Variants in PPP6R3 observed in about 807,000 individuals in gnomAD.
PPP6R3 encodes protein phosphatase 6 regulatory subunit 3.
In PPP6R3, 38 loss-of-function variants were observed where a neutral mutation model predicts 110.7. That is an observed-to-expected ratio of 0.34 (90% CI 0.26 to 0.45). The LOEUF is 0.45. PPP6R3 is among the 20% of genes least tolerant of loss of function. PPP6R3 has a pLI of 1.00. For missense variants in PPP6R3, 870 were observed against 1,062.4 expected (o/e 0.82, Z 2.52); for synonymous variants, 369 against 373.5 (o/e 0.99, Z 0.14).
intron 1 of PPP6R3, among the ~76,000 whole-genome samples, chr11:68,518,454 T>G (rs984837876): frequency 5.9e-5 from 9 of 152,162 alleles, no homozygotes; most frequent in Non-Finnish European, 1.3e-4. Flanking sequence ...GAAATAGGAC[T>G]TTAGATGTGA....
chr11:68,463,987 A>T (rs624970), intron 1 of PPP6R3, among the ~76,000 whole-genome samples: 12,925 of 152,244 alleles, frequency 0.085, 687 homozygotes, highest in Non-Finnish European at 0.12. Context: ...ATCCAGTCCC[A>T]AATAGCAACA....
chr11:68,517,860 C>T (rs1442776449), intron 1 of PPP6R3, among the ~76,000 whole-genome samples: 1 of 151,968 alleles, frequency 6.6e-6, no homozygotes, highest in Non-Finnish European at 1.5e-5. Context: ...ATCACTTGAG[C>T]CCAGGAGGTG....
chr11:68,489,502 A>T (rs2098969751), intron 1 of PPP6R3, among the ~76,000 whole-genome samples: 1 of 150,716 alleles, frequency 6.6e-6, no homozygotes, highest in Admixed American at 6.6e-5. Flanking sequence ...CAGGTATTAT[A>T]CCTCGTTTTA....
At chr11:68,610,898 G>T (rs2153976602) in intron 23 of PPP6R3, among the ~76,000 whole-genome samples, 1 of 128,606 alleles carries the variant, frequency 7.8e-6, no homozygotes, top group East Asian at 2.6e-4. Flanking sequence ...AGCATAACCA[G>T]TGGGAACCAG....
chr11:68,512,751 G>T (rs916722727), intron 1 of PPP6R3, among the ~76,000 whole-genome samples: 2 of 152,120 alleles, frequency 1.3e-5, no homozygotes, highest in Admixed American at 1.3e-4. Context: ...TTTCAGAGGA[G>T]ATGGAAAAAT....
At chr11:68,496,722 C>T (rs988681333) in intron 1 of PPP6R3, among the ~76,000 whole-genome samples, 2 of 152,068 alleles carry the variant, frequency 1.3e-5, no homozygotes, top group African/African-American at 2.4e-5. Context: ...TCACACACCT[C>T]GGCTTCCTAA....
intron 15 of PPP6R3, among the ~76,000 whole-genome samples, chr11:68,586,104 C>A (rs2099577646): frequency 6.6e-6 from 1 of 151,890 alleles, no homozygotes; most frequent in African/African-American, 2.4e-5. Context: ...GACCCTGTCT[C>A]TTAAAAAAAA....
rs966805414 is a variant in PPP6R3 at position 68,565,672 on chromosome 11, C to T, written c.975+1240C>T. ...TTCTGGGTGGACAAACAGGTGGCAT[C>T]TGGTTCTGGGCCCCGATTCAAAAGT... On this transcript the variant is annotated intron_variant, in intron 9 of 23. Transcript: ENST00000393800. 5.3e-5 allele frequency among the ~76,000 whole-genome samples: 8 copies of T among 151,952 alleles called. No individual in the cohort carries two copies. The South Asian group carries it at 1.0e-3, about 20-fold the overall frequency.
chr11:68,480,178 G>A (rs2098894942), intron 1 of PPP6R3, among the ~76,000 whole-genome samples: 2 of 152,080 alleles, frequency 1.3e-5, no homozygotes, highest in African/African-American at 4.8e-5. Context: ...CAGCTATACG[G>A]ACCATATATT....
At position 68,614,874 on chromosome 11, in the gene PPP6R3, T is replaced by A; in HGVS notation, c.*1757T>A. 1 of 912,134 alleles carries A rather than the reference T, an allele frequency of 1.1e-6. No individual in the cohort carries two copies. The highest frequency in any genetic ancestry group is 1.4e-5 in the South Asian group (1 of 71,128). The allele number at this position is 912,134 out of a possible 1,614,324, so 56.5% of individuals were successfully genotyped here. Reference sequence around the variant, plus strand: ...GGCGTTGGACCTCGGGGATTACTGGTAGATAATATGCTCTGGTCTCGCCTG... The same window carrying A: ...GGCGTTGGACCTCGGGGATTACTGGAAGATAATATGCTCTGGTCTCGCCTG... On this transcript the variant is annotated 3_prime_UTR_variant, in exon 24 of 24. Transcript: ENST00000393800.
intron 21 of PPP6R3, 95 bp downstream of exon 21, chr11:68,602,064 G>A: frequency 1.1e-6 from 1 of 950,780 alleles, no homozygotes; most frequent in South Asian, 1.6e-5. Flanking sequence ...TGGAGCCCGG[G>A]AGTGAGATGG....
chr11:68,462,303 C>T (rs530956481), intron 1 of PPP6R3, among the ~76,000 whole-genome samples: 5 of 152,098 alleles, frequency 3.3e-5, no homozygotes, highest in Non-Finnish European at 7.4e-5. Flanking sequence ...CTCAGTTGGG[C>T]TGAAAAAGTA....
At chr11:68,611,720 G>A (rs1282509099) in intron 23 of PPP6R3, among the ~76,000 whole-genome samples, 2 of 152,198 alleles carry the variant, frequency 1.3e-5, no homozygotes, top group Admixed American at 1.3e-4. Context: ...CATGTGAGCT[G>A]GGGTGCGGGG....
chr11:68,560,929 T>C (rs7115304), intron 8 of PPP6R3, among the ~76,000 whole-genome samples: 144,671 of 144,880 alleles, frequency 1, 72,232 homozygotes, highest in Middle Eastern at 1. Flanking sequence ...CAGAGTCTCG[T>C]TCTGTCACCC....
intron 1 of PPP6R3, among the ~76,000 whole-genome samples, chr11:68,512,628 G>T (rs2099116466): frequency 6.6e-6 from 1 of 152,168 alleles, no homozygotes; most frequent in Non-Finnish European, 1.5e-5. Flanking sequence ...ATGCGTGTGG[G>T]TGCCAGGTTG....
chr11:68,583,446 T>G (rs17149176), intron 15 of PPP6R3, among the ~76,000 whole-genome samples: 2,074 of 152,346 alleles, frequency 0.014, 57 homozygotes, highest in African/African-American at 0.047. Flanking sequence ...AGTTGAGTTG[T>G]TGCTTAAAGA....
intron 1 of PPP6R3, among the ~76,000 whole-genome samples, chr11:68,467,157 A>G (rs977805062): frequency 6.6e-6 from 1 of 152,268 alleles, no homozygotes; most frequent in African/African-American, 2.4e-5. Context: ...TAGATGCATT[A>G]GTGAAGACTA....
At position 68,537,787 on chromosome 11, in the gene PPP6R3, C is replaced by T. The variant is rs1200044095; in HGVS notation, c.123C>T (p.Asn41=). Residue 41 remains asparagine (N), a synonymous_variant, in exon 3 of 24, where the codon AAC becomes AAT. Transcript: ENST00000393800. ...TTTTACAGGAATGTAAAGCTCAGAACCGCAAACTTATAGAGTTTCTGTTAA... is the reference window on the plus strand; with the variant it reads ...TTTTACAGGAATGTAAAGCTCAGAATCGCAAACTTATAGAGTTTCTGTTAA... ...EDVLQECKAQ[N]RKLIEFLLKA... is the part of the protein sequence containing the mutation. 2 of 1,613,798 alleles carry T rather than the reference C, an allele frequency of 1.2e-6. No individual in the cohort carries two copies. Among genetic ancestry groups the T allele is most frequent in the Non-Finnish European group, 1.7e-6 (2 of 1,179,856 alleles).
chr11:68,592,255 A>G (rs1242103230), intron 18 of PPP6R3, among the ~76,000 whole-genome samples: 1 of 152,136 alleles, frequency 6.6e-6, no homozygotes, highest in Admixed American at 6.5e-5. Flanking sequence ...GAATCTTCAT[A>G]TTTAAGAGAG....
Sources: allele counts gnomAD v4.1 joint callset (sites outside exome capture counted in the v4.1 genomes callset), GRCh38; gene constraint gnomAD v4.1.1; transcripts MANE v1.5; gene names NCBI Gene and HGNC (gene_info 2026-07-23, HGNC 2026-07-21).